QTGAL: variants seen among roughly 807,000 people sequenced by gnomAD.
QTGAL encodes the protein queuosine-tRNA galactosyltransferase, also known as BGnT-like protein 1.
At chr17:83,042,977 G>A in the QTGAL span, among the ~76,000 whole-genome samples, 1 of 152,144 alleles carries the variant, frequency 6.6e-6, no homozygotes, top group Non-Finnish European at 1.5e-5. Flanking sequence ...TGATCAAGAA[G>A]ATATAACAAG....
At chr17:83,034,657 C>T in the QTGAL span, among the ~76,000 whole-genome samples, 30,808 of 152,106 alleles carry the variant, frequency 0.2, 3,284 homozygotes, top group Non-Finnish European at 0.24. Context: ...GGGAGGGCCC[C>T]GGTGGGAGGC....
At chr17:82,992,294 T>C in the QTGAL span, among the ~76,000 whole-genome samples, 1 of 152,120 alleles carries the variant, frequency 6.6e-6, no homozygotes, top group Non-Finnish European at 1.5e-5. Flanking sequence ...GAAAGGACCC[T>C]ACAAGCAGCA....
the QTGAL span, chr17:83,048,649 G>A: frequency 7.5e-5 from 120 of 1,608,506 alleles, no homozygotes; most frequent in Non-Finnish European, 9.9e-5. Flanking sequence ...TGAGTCACCC[G>A]ACAGGAAGTT....
the QTGAL span, among the ~76,000 whole-genome samples, chr17:83,029,991 A>G: frequency 6.6e-6 from 1 of 152,162 alleles, no homozygotes; most frequent in African/African-American, 2.4e-5. Context: ...CACCTGCACC[A>G]CTGGCCTCAG....
the QTGAL span, among the ~76,000 whole-genome samples, chr17:82,983,874 G>A: frequency 2.6e-5 from 4 of 152,344 alleles, no homozygotes; most frequent in Admixed American, 2.0e-4. Context: ...CTAAGGTTAC[G>A]TGAGTCCCAA....
the QTGAL span, chr17:83,035,172 A>G: frequency 7.8e-7 from 1 of 1,276,284 alleles, no homozygotes; most frequent in Non-Finnish European, 1.1e-6. Flanking sequence ...AGAGCTTAGT[A>G]TATGATATTC....
At chr17:83,005,341 T>C in the QTGAL span, 4 of 806,132 alleles carry the variant, frequency 5.0e-6, no homozygotes, top group African/African-American at 6.8e-5. The surrounding 1 kb of genome is among the most constrained non-coding windows in gnomAD (Gnocchi z 5.6). Context: ...GCTGCAAATC[T>C]GGGTCAGGCA....
At chr17:82,996,530 A>AG in the QTGAL span, among the ~76,000 whole-genome samples, 1 of 151,784 alleles carries the variant, frequency 6.6e-6, no homozygotes, top group African/African-American at 2.4e-5. Context: ...TCAAAAAAAA[A>AG]AAAAAAAATA....
chr17:82,984,388 G>A, the QTGAL span, among the ~76,000 whole-genome samples: 1 of 152,048 alleles, frequency 6.6e-6, no homozygotes, highest in African/African-American at 2.4e-5. Flanking sequence ...GATTATGCAG[G>A]GGAGAGGCCA....
At chr17:82,962,182 C>CA in the QTGAL span, among the ~76,000 whole-genome samples, 2 of 152,152 alleles carry the variant, frequency 1.3e-5, no homozygotes, top group Non-Finnish European at 2.9e-5. Flanking sequence ...GTAAAGTCCC[C>CA]AAACTATCAC....
At chr17:83,024,142 C>T in the QTGAL span, among the ~76,000 whole-genome samples, 1 of 146,518 alleles carries the variant, frequency 6.8e-6, no homozygotes, top group South Asian at 2.1e-4. Flanking sequence ...AGGTTCCAGG[C>T]GTCCACTCCT....
the QTGAL span, among the ~76,000 whole-genome samples, chr17:83,002,239 G>A: frequency 6.6e-6 from 1 of 151,938 alleles, no homozygotes; most frequent in Admixed American, 6.6e-5. Context: ...TGCCCCCACG[G>A]GGCAGCTCAG....
the QTGAL span, among the ~76,000 whole-genome samples, chr17:82,984,025 G>C: frequency 7.2e-6 from 1 of 138,326 alleles, no homozygotes; most frequent in African/African-American, 2.6e-5. Flanking sequence ...GTGGGGGAGG[G>C]GAGAGGCCAC....
the QTGAL span, chr17:82,945,803 T>A: frequency 6.6e-6 from 1 of 152,180 alleles, no homozygotes; most frequent in Admixed American, 6.5e-5. Context: ...TGCCCCTGGT[T>A]GAGAACCACT....
the QTGAL span, chr17:82,956,872 C>T: frequency 1.5e-6 from 2 of 1,343,136 alleles, no homozygotes; most frequent in African/African-American, 1.5e-5. This position sits in a 1 kb window ranked among gnomAD's most constrained non-coding sequence, Gnocchi z 5.7. Context: ...ACACAGGAGC[C>T]AGGGCTTGGG....
chr17:83,035,694 A>T, the QTGAL span, among the ~76,000 whole-genome samples: 4 of 152,352 alleles, frequency 2.6e-5, no homozygotes, highest in South Asian at 2.1e-4. Flanking sequence ...TGAGTACAGC[A>T]CTAAGCTAAG....
At chr17:82,957,927 C>T in the QTGAL span, among the ~76,000 whole-genome samples, 2 of 152,198 alleles carry the variant, frequency 1.3e-5, no homozygotes, top group Non-Finnish European at 2.9e-5. Flanking sequence ...AACCCTTCCA[C>T]TCCCCTGGGA....
At chr17:82,979,512 A>G in the QTGAL span, 1 of 152,256 alleles carries the variant, frequency 6.6e-6, no homozygotes. Flanking sequence ...TTAAACACAC[A>G]GTAGCATGTA....
the QTGAL span, among the ~76,000 whole-genome samples, chr17:83,020,849 C>T: frequency 6.6e-6 from 1 of 152,136 alleles, no homozygotes; most frequent in Non-Finnish European, 1.5e-5. Context: ...TGCTGGGACC[C>T]ACGAGAACCA....
Sources: gnomAD v4.1 joint callset for allele counts (sites outside exome capture counted in the v4.1 genomes callset) on GRCh38, gnomAD v4.1.1 for gene constraint, Gnocchi (gnomAD v3.1) non-coding constraint, MANE v1.5 for transcripts, NCBI Gene and HGNC (gene_info 2026-07-23, HGNC 2026-07-21) for gene names.